The following VAMP4 variants were observed in gnomAD, a reference collection of about 807,000 sequenced individuals.
VAMP4 encodes the protein vesicle associated membrane protein 4, also known as vesicle-associated membrane protein 4.
In VAMP4, 19 loss-of-function variants were observed where a neutral mutation model predicts 23.5. That is an observed-to-expected ratio of 0.81 (90% CI 0.56 to 1.19). VAMP4 has a LOEUF of 1.19. VAMP4 is among the 50% of genes most tolerant of loss of function. The probability of loss-of-function intolerance (pLI) is 0.00; values close to 1 mark genes in which losing one functional copy is unlikely to be tolerated. For missense variants in VAMP4, 145 were observed against 168.6 expected (o/e 0.86, Z 0.78); for synonymous variants, 31 against 51.0 (o/e 0.61, Z 1.67).
chr1:171,701,820 CA>C lies in VAMP4; in HGVS notation c.*2685del, dbSNP rs939510772. ...TCAGGATAGAGGAACCAAATGACCA[CA>C]GGTATTACTGAGTTATAATAAGAAG... On this transcript the variant is annotated 3_prime_UTR_variant, in exon 8 of 8. Transcript: ENST00000236192. The C allele has an allele frequency of 1.9e-4, 29 of 152,178 alleles. No homozygotes were observed. Among genetic ancestry groups the C allele is most frequent in the African/African-American group, 7.0e-4 (29 of 41,546 alleles). The allele number at this position is 152,178 out of a possible 1,614,324, so 9.4% of individuals were successfully genotyped here.
chr1:171,739,357 G>C (rs1655847868), intron 1 of VAMP4, among the ~76,000 whole-genome samples: 1 of 152,220 alleles, frequency 6.6e-6, no homozygotes, highest in Non-Finnish European at 1.5e-5. Flanking sequence ...AGAGTTCCTG[G>C]ACGGTGGCAC....
rs1654494346 is a variant in VAMP4 at position 171,702,855 on chromosome 1, CT to C, written c.*1650del. ...TCTCCTTCTAAATGCTCTAAGCAAA[CT>C]ATAAAATTTAGTAATTCTATTTAGA... On this transcript the variant is annotated 3_prime_UTR_variant, in exon 8 of 8. Coordinates refer to ENST00000236192, the MANE Select transcript of VAMP4 (RefSeq NM_003762.5). 6.6e-6 allele frequency: 1 copy of C among 151,950 alleles called. No homozygotes were observed. The highest frequency in any genetic ancestry group is 1.5e-5 in the Non-Finnish European group (1 of 67,854). The allele number at this position is 151,950 out of a possible 1,614,324, so 9.4% of individuals were successfully genotyped here. A position where few individuals can be genotyped will look rare whatever the true frequency, so the allele number is the denominator to read the frequency against.
chr1:171,719,074 A>ACC, intron 4 of VAMP4, 97 bp downstream of exon 4: 1 of 1,032,124 alleles, frequency 9.7e-7, no homozygotes, highest in South Asian at 1.6e-5. Context: ...ATTTACAAAA[A>ACC]CAGGCTGCAG....
In VAMP4 at chr1:171,700,199, A is replaced by C. The variant is rs187742315; in HGVS notation, c.*4307T>G. On this transcript the variant is annotated 3_prime_UTR_variant, in exon 8 of 8. Coordinates refer to ENST00000236192, the MANE Select transcript of VAMP4 (RefSeq NM_003762.5). ...GAAATAGTTTATTTCATTGTTCACT[A>C]TGGAGGGGCTACAAATACACTTCTG... The C allele has an allele frequency of 6.6e-5, 10 of 152,288 alleles. No homozygotes were observed. The highest frequency in any genetic ancestry group is 2.6e-4 in the Admixed American group (4 of 15,294). 9.4% of individuals were successfully genotyped at this position (152,288 alleles called of 1,614,324 possible).
chr1:171,722,668 C>A (rs1285252821), intron 3 of VAMP4, among the ~76,000 whole-genome samples: 1 of 152,212 alleles, frequency 6.6e-6, no homozygotes, highest in Non-Finnish European at 1.5e-5. Flanking sequence ...CTCATCATCA[C>A]TGACCATCAG....
chr1:171,710,946 A>G (rs1654829580), intron 4 of VAMP4, 132 bp from the exon 5 acceptor site: 1 of 623,120 alleles, frequency 1.6e-6, no homozygotes, highest in Non-Finnish European at 2.6e-6. Flanking sequence ...TAAATTTAAG[A>G]CTTTGTAGCA....
intron 3 of VAMP4, among the ~76,000 whole-genome samples, chr1:171,720,954 A>G (rs1488052929): frequency 1.3e-5 from 2 of 152,160 alleles, no homozygotes; most frequent in Non-Finnish European, 2.9e-5. Context: ...GTTTTAAAAG[A>G]ATAATACATG....
chr1:171,740,289 T>C (rs1443098629), intron 1 of VAMP4, among the ~76,000 whole-genome samples: 1 of 152,230 alleles, frequency 6.6e-6, no homozygotes, highest in South Asian at 2.1e-4. Flanking sequence ...AACAACCCAA[T>C]AGTCCTGCTT....
rs1472508919 is a variant in VAMP4 at position 171,703,239 on chromosome 1, A to AG, written c.*1266dup. ...ATAAAGCTTCCTCTCCCCACACCTT[A>AG]GGGGACAATGTATTTTCACTCTGAC... On this transcript the variant is annotated 3_prime_UTR_variant, in exon 8 of 8. Coordinates refer to ENST00000236192, the MANE Select transcript of VAMP4 (RefSeq NM_003762.5). The AG allele has an allele frequency of 1.3e-5, 2 of 151,034 alleles. No homozygotes were observed. The highest frequency in any genetic ancestry group is 4.9e-5 in the African/African-American group (2 of 41,158). 9.4% of individuals were successfully genotyped at this position (151,034 alleles called of 1,614,324 possible). A position where few individuals can be genotyped will look rare whatever the true frequency, so the allele number is the denominator to read the frequency against.
intron 2 of VAMP4, among the ~76,000 whole-genome samples, chr1:171,733,967 A>G (rs1178039105): frequency 2.6e-5 from 4 of 152,246 alleles, no homozygotes; most frequent in Non-Finnish European, 4.4e-5. Context: ...CAAATGTGTT[A>G]TATCAATATA....
chr1:171,720,011 T>C (rs1448733003), intron 3 of VAMP4, among the ~76,000 whole-genome samples: 6 of 151,660 alleles, frequency 4.0e-5, no homozygotes, highest in Non-Finnish European at 4.4e-5. Context: ...AATACAGCAA[T>C]TGATAAAAAA....
chr1:171,705,734 T>G (rs56998629), intron 7 of VAMP4, among the ~76,000 whole-genome samples: 2,243 of 152,252 alleles, frequency 0.015, 50 homozygotes, highest in African/African-American at 0.05. Flanking sequence ...AAATGATTAT[T>G]TTTAGATACT....
chr1:171,732,305 G>A (rs991173566), intron 2 of VAMP4, among the ~76,000 whole-genome samples: 9 of 149,536 alleles, frequency 6.0e-5, no homozygotes, highest in African/African-American at 2.2e-4. Context: ...GGGATCACTT[G>A]AGCCCAGGAG....
At chr1:171,714,057 A>G (rs1353946280) in intron 4 of VAMP4, among the ~76,000 whole-genome samples, 1 of 152,178 alleles carries the variant, frequency 6.6e-6, no homozygotes, top group Non-Finnish European at 1.5e-5. Context: ...TCCTTCACAC[A>G]TTAATTATCT....
chr1:171,711,211 T>C (rs1654837690), intron 4 of VAMP4, among the ~76,000 whole-genome samples: 1 of 152,118 alleles, frequency 6.6e-6, no homozygotes, highest in African/African-American at 2.4e-5. Flanking sequence ...TTGCCATATA[T>C]TTCATACATG....
rs1654530853 is a variant in VAMP4 at position 171,703,431 on chromosome 1, A to ATATATG, written c.*1074_*1075insCATATA. ...TGTGTGTGTGTGTTTGTGTGTATAT[A>ATATATG]TATATATATATATATATATATATAT... On this transcript the variant is annotated 3_prime_UTR_variant, in exon 8 of 8. Transcript: ENST00000236192. 1 of 49,526 alleles carries ATATATG rather than the reference A, an allele frequency of 2.0e-5. No homozygotes were observed. Among genetic ancestry groups the ATATATG allele is most frequent in the African/African-American group, 8.4e-5 (1 of 11,882 alleles). 3.1% of individuals were successfully genotyped at this position (49,526 alleles called of 1,614,324 possible). A position where few individuals can be genotyped will look rare whatever the true frequency, so the allele number is the denominator to read the frequency against.
chr1:171,714,172 A>T (rs1316024936), intron 4 of VAMP4, among the ~76,000 whole-genome samples: 2 of 152,160 alleles, frequency 1.3e-5, no homozygotes, highest in Non-Finnish European at 2.9e-5. Context: ...CCAGAACACA[A>T]TTTTTGTAGA....
chr1:171,709,100 T>G (rs1293417038), intron 6 of VAMP4, among the ~76,000 whole-genome samples: 1 of 152,128 alleles, frequency 6.6e-6, no homozygotes, highest in Non-Finnish European at 1.5e-5. Context: ...TACAATGTTT[T>G]GCAGGAGTAT....
Position 171,701,295 on chromosome 1 carries a change from C to T in VAMP4, c.*3211G>A, listed in dbSNP as rs945802821. Reference sequence around the variant, plus strand: ...AACAGTCATCCTTGACATAGTAATACTCTGACAATACAATTAAGGGGACAT... The same window carrying T: ...AACAGTCATCCTTGACATAGTAATATTCTGACAATACAATTAAGGGGACAT... On this transcript the variant is annotated 3_prime_UTR_variant, in exon 8 of 8. Coordinates refer to ENST00000236192, the MANE Select transcript of VAMP4 (RefSeq NM_003762.5). 6.6e-6 allele frequency: 1 copy of T among 152,138 alleles called. No individual in the cohort carries two copies. The highest frequency in any genetic ancestry group is 1.5e-5 in the Non-Finnish European group (1 of 68,018). The allele number at this position is 152,138 out of a possible 1,614,324, so 9.4% of individuals were successfully genotyped here.
Sources: gnomAD v4.1 joint callset for allele counts (sites outside exome capture counted in the v4.1 genomes callset) on GRCh38, gnomAD v4.1.1 for gene constraint, MANE v1.5 for transcripts, NCBI Gene and HGNC (gene_info 2026-07-23, HGNC 2026-07-21) for gene names.